Variants in MCU observed in about 807,000 individuals in gnomAD.
MCU encodes calcium uniporter protein, mitochondrial.
MCU carries 12 observed loss-of-function variants against 45.2 expected under a neutral mutation model. The observed-to-expected ratio is 0.27, with a 90% confidence interval of 0.17 to 0.43. The LOEUF is 0.43. Among genes scored for constraint, MCU ranks in the 20% least tolerant of loss-of-function variants. The pLI, the probability that MCU is intolerant of heterozygous loss-of-function variation, is 1.00. For synonymous variants in MCU, 160 were observed against 165.1 expected (o/e 0.97, Z 0.24); for missense variants, 324 against 436.7 (o/e 0.74, Z 2.30).
chr10:72,713,332 T>C (rs1377825451), intron 1 of MCU, among the ~76,000 whole-genome samples: 3 of 152,254 alleles, frequency 2.0e-5, no homozygotes, highest in Admixed American at 6.5e-5. Flanking sequence ...TAGGCTGGAA[T>C]GCAGTGGCGC....
intron 1 of MCU, among the ~76,000 whole-genome samples, chr10:72,777,194 G>C (rs566606154): frequency 1.3e-5 from 2 of 152,160 alleles, no homozygotes; most frequent in Admixed American, 1.3e-4. Flanking sequence ...CAGAAATAGG[G>C]AAAAAAATTC....
At chr10:72,774,319 G>T (rs1472186202) in intron 1 of MCU, among the ~76,000 whole-genome samples, 2 of 152,078 alleles carry the variant, frequency 1.3e-5, no homozygotes, top group South Asian at 2.1e-4. Context: ...GTGTATTTTT[G>T]ATCTAAGTTC....
intron 1 of MCU, among the ~76,000 whole-genome samples, chr10:72,802,336 A>G (rs907117141): frequency 1.3e-5 from 2 of 151,550 alleles, no homozygotes; most frequent in Non-Finnish European, 2.9e-5. Flanking sequence ...GACAAATTTT[A>G]TTAGCCTCGT....
chr10:72,861,019 G>T (rs1266408797), intron 4 of MCU, among the ~76,000 whole-genome samples: 2 of 151,922 alleles, frequency 1.3e-5, no homozygotes, highest in Non-Finnish European at 1.5e-5. Context: ...ATGGTTTTTT[G>T]TTGTTGTTGT....
At chr10:72,705,204 A>T (rs1180946125) in intron 1 of MCU, among the ~76,000 whole-genome samples, 3 of 151,980 alleles carry the variant, frequency 2.0e-5, no homozygotes, top group African/African-American at 7.3e-5. Flanking sequence ...AAGTTCTGGG[A>T]TATGTGTGCA....
chr10:72,713,176 C>T (rs540795740), intron 1 of MCU, among the ~76,000 whole-genome samples: 2 of 152,302 alleles, frequency 1.3e-5, no homozygotes, highest in South Asian at 4.1e-4. Flanking sequence ...GTATAATAGT[C>T]TTTTGGCTAA....
intron 4 of MCU, chr10:72,861,764 C>A: frequency 3.2e-6 from 1 of 317,064 alleles, no homozygotes; most frequent in South Asian, 2.4e-5. Flanking sequence ...CCCAAAGTGC[C>A]GAGATTATAG....
intron 1 of MCU, among the ~76,000 whole-genome samples, chr10:72,809,801 A>C (rs1349955353): frequency 1.3e-5 from 2 of 152,224 alleles, no homozygotes; most frequent in Non-Finnish European, 1.5e-5. Flanking sequence ...GCAAGAAGGC[A>C]ATAAAGGAGA....
At chr10:72,869,766 A>G (rs910889235) in intron 5 of MCU, among the ~76,000 whole-genome samples, 2 of 149,918 alleles carry the variant, frequency 1.3e-5, no homozygotes, top group Admixed American at 1.3e-4. Flanking sequence ...ATCCCATTTT[A>G]TATAAGGGAC....
chr10:72,862,990 A>G (rs986698899), intron 4 of MCU, among the ~76,000 whole-genome samples: 1 of 152,002 alleles, frequency 6.6e-6, no homozygotes, highest in Non-Finnish European at 1.5e-5. Flanking sequence ...AAATTCCTCT[A>G]TAATCTGGTC....
intron 1 of MCU, among the ~76,000 whole-genome samples, chr10:72,817,166 C>G (rs1450306070): frequency 6.6e-6 from 1 of 152,152 alleles, no homozygotes; most frequent in Admixed American, 6.5e-5. Flanking sequence ...AGCAAATACC[C>G]TATATCTATG....
At chr10:72,849,191 G>A (rs1845168604) in intron 2 of MCU, among the ~76,000 whole-genome samples, 1 of 150,916 alleles carries the variant, frequency 6.6e-6, no homozygotes, top group Admixed American at 6.6e-5. Context: ...TGAGGCAGGA[G>A]AATCGCTTGA....
intron 1 of MCU, among the ~76,000 whole-genome samples, chr10:72,703,890 AAACAACAACAAC>A (rs143749981): frequency 1.4e-4 from 21 of 150,902 alleles, no homozygotes; most frequent in African/African-American, 3.4e-4. Context: ...CTCTGTCTCA[AAACAACAACAAC>A]AACAACAACA....
intron 1 of MCU, among the ~76,000 whole-genome samples, chr10:72,832,462 G>A (rs1274559055): frequency 6.6e-6 from 1 of 152,274 alleles, no homozygotes; most frequent in African/African-American, 2.4e-5. Context: ...TGCAGGGATT[G>A]TGTTCCTAAT....
chr10:72,751,131 G>A (rs1416278522), intron 1 of MCU, among the ~76,000 whole-genome samples: 1 of 151,696 alleles, frequency 6.6e-6, no homozygotes, highest in Non-Finnish European at 1.5e-5. Flanking sequence ...CTCCCGAGTA[G>A]CTGGGATTAC....
Position 72,887,425 on chromosome 10 carries a change from GCTC to G in MCU, c.*1606_*1608del, listed in dbSNP as rs2132911487. On this transcript the variant is annotated 3_prime_UTR_variant, in exon 8 of 8. Coordinates refer to ENST00000373053, the MANE Select transcript of MCU (RefSeq NM_138357.3). ...CTCCCTCCACCACCCCCAGTCGTCA[GCTC>G]CTTCCCTCATTTATTTTTGTTAAGT... 6.5e-6 allele frequency: 1 copy of G among 152,840 alleles called. No homozygotes were observed. Among genetic ancestry groups the G allele is most frequent in the East Asian group, 1.9e-4 (1 of 5,320 alleles). The allele number at this position is 152,840 out of a possible 1,614,324, so 9.5% of individuals were successfully genotyped here.
intron 1 of MCU, among the ~76,000 whole-genome samples, chr10:72,777,116 G>T (rs1039302095): frequency 2.6e-5 from 4 of 152,196 alleles, no homozygotes; most frequent in African/African-American, 9.6e-5. Flanking sequence ...TTTTTCAAAT[G>T]ACAGTACTAC....
chr10:72,791,840 CAA>C (rs35024051), intron 1 of MCU, among the ~76,000 whole-genome samples: 42 of 142,164 alleles, frequency 3.0e-4, no homozygotes, highest in African/African-American at 3.1e-4. Flanking sequence ...TTCTAAATGC[CAA>C]AAAAAAAAAA....
At chr10:72,791,362 A>T (rs73286761) in intron 1 of MCU, among the ~76,000 whole-genome samples, 2,853 of 152,286 alleles carry the variant, frequency 0.019, 100 homozygotes, top group African/African-American at 0.065. Context: ...CGTATCCATT[A>T]GTATTCATTA....
Sources: gnomAD v4.1 joint callset for allele counts (sites outside exome capture counted in the v4.1 genomes callset) on GRCh38, gnomAD v4.1.1 for gene constraint, MANE v1.5 for transcripts, NCBI Gene and HGNC (gene_info 2026-07-23, HGNC 2026-07-21) for gene names.